Variants in GNAO1 observed in about 807,000 individuals in gnomAD.
GNAO1 encodes G protein subunit alpha o1.
For synonymous variants in GNAO1, 164 were observed against 180.7 expected (o/e 0.91, Z 0.74); for missense variants, 166 against 478.7 (o/e 0.35, Z 6.10).
At chr16:56,199,867 C>CA (rs1167835697) in intron 2 of GNAO1, among the ~76,000 whole-genome samples, 1 of 152,042 alleles carries the variant, frequency 6.6e-6, no homozygotes, top group Non-Finnish European at 1.5e-5. Flanking sequence ...TTCATAGCAC[C>CA]AAAAAATTAA....
At chr16:56,262,502 A>G (rs1323233108) in intron 2 of GNAO1, among the ~76,000 whole-genome samples, 3 of 152,172 alleles carry the variant, frequency 2.0e-5, no homozygotes, top group African/African-American at 7.2e-5. Flanking sequence ...ATGAGCAGGA[A>G]CATAAATAAT....
At chr16:56,204,691 G>A (rs759200717) in intron 2 of GNAO1, among the ~76,000 whole-genome samples, 18 of 152,132 alleles carry the variant, frequency 1.2e-4, no homozygotes, top group Admixed American at 6.5e-5. Context: ...AAGCTATTGC[G>A]GGCTTTTAAA....
At chr16:56,256,118 T>A (rs1382360) in intron 2 of GNAO1, among the ~76,000 whole-genome samples, 31,101 of 152,036 alleles carry the variant, frequency 0.2, 3,473 homozygotes, top group East Asian at 0.37. Flanking sequence ...TCTTTGTACC[T>A]CTGGTTATGG....
intron 4 of GNAO1, 113 bp downstream of exon 4, chr16:56,328,904 C>A: frequency 9.6e-7 from 1 of 1,039,236 alleles, no homozygotes; most frequent in Non-Finnish European, 1.4e-6. Context: ...GTCACGCCTG[C>A]CGGGAGATGT....
chr16:56,277,479 C>G (rs142543500), intron 3 of GNAO1, among the ~76,000 whole-genome samples: 1 of 152,158 alleles, frequency 6.6e-6, no homozygotes, highest in Non-Finnish European at 1.5e-5. Context: ...CTATTCAGAT[C>G]GTTAGAACTA....
chr16:56,246,466 C>T (rs2036745084), intron 2 of GNAO1, among the ~76,000 whole-genome samples: 2 of 152,170 alleles, frequency 1.3e-5, no homozygotes, highest in Admixed American at 1.3e-4. Flanking sequence ...GCCCCACCAT[C>T]GCCCAGTCCT....
chr16:56,255,322 T>G (rs918968517), intron 2 of GNAO1, among the ~76,000 whole-genome samples: 4 of 152,220 alleles, frequency 2.6e-5, no homozygotes, highest in Non-Finnish European at 5.9e-5. Flanking sequence ...GTTTGTTGCT[T>G]TAAGTATTTT....
chr16:56,308,503 A>G (rs2037419487), intron 3 of GNAO1, among the ~76,000 whole-genome samples: 1 of 152,204 alleles, frequency 6.6e-6, no homozygotes, highest in African/African-American at 2.4e-5. Flanking sequence ...AACTGGGGAC[A>G]CATTGAGTTG....
intron 2 of GNAO1, chr16:56,194,071 A>AG (rs1488992009): frequency 4.4e-6 from 2 of 455,356 alleles, no homozygotes; most frequent in Non-Finnish European, 8.9e-6. Flanking sequence ...AGGCATGACA[A>AG]GCGGGTTCTA....
rs188492151 is a variant in GNAO1, at chr16:56,269,672, C to T, written c.162-6259C>T. Among the ~76,000 whole-genome samples, 943 of 152,194 alleles carry T rather than the reference C, an allele frequency of 6.2e-3. 3 individuals carry two copies. Among genetic ancestry groups the T allele is most frequent in the Admixed American group, 0.012 (176 of 15,294 alleles). On this transcript the variant is annotated intron_variant, in intron 2 of 8. Transcript: ENST00000262493. ...ATGGAGGAGGAGCGGCAGTCCAGTC[C>T]CAGGGCAGGAGCCAGGGCGCTGATA...
intron 6 of GNAO1, among the ~76,000 whole-genome samples, chr16:56,348,524 A>G (rs1275318356): frequency 1.3e-5 from 2 of 152,176 alleles, no homozygotes; most frequent in Non-Finnish European, 2.9e-5. Flanking sequence ...CTGGGCCTCC[A>G]CTGCAGCCTG....
Position 56,192,373 on chromosome 16 carries a change from C to A in GNAO1, c.118+20C>A. ...TGCTCGGTAAGGACCGCCGCTGCTACCCCCATCCCCCGACCCCGGCCACTC... is the reference window on the plus strand; with the variant it reads ...TGCTCGGTAAGGACCGCCGCTGCTAACCCCATCCCCCGACCCCGGCCACTC... On this transcript the variant is annotated intron_variant, in intron 1 of 8. Coordinates refer to ENST00000262493, the MANE Select transcript of GNAO1 (RefSeq NM_020988.3). The A allele has an allele frequency of 1.5e-6, 2 of 1,377,112 alleles. No homozygotes were observed. The highest frequency in any genetic ancestry group is 2.1e-6 in the Non-Finnish European group (2 of 973,352). 85.3% of individuals were successfully genotyped at this position (1,377,112 alleles called of 1,614,324 possible).
intron 2 of GNAO1, chr16:56,270,760 T>A (rs1460929190): frequency 6.6e-6 from 1 of 152,162 alleles, no homozygotes; most frequent in Non-Finnish European, 1.5e-5. Context: ...GAAGCCCAAA[T>A]CAAATTAGCT....
At chr16:56,345,488 C>T in intron 6 of GNAO1, 1 of 985,532 alleles carries the variant, frequency 1.0e-6, no homozygotes, top group Non-Finnish European at 1.2e-6. Context: ...GTTGGACCCA[C>T]AGGCACAGAG....
chr16:56,294,341 TAAAAA>T (rs377121608), intron 3 of GNAO1, among the ~76,000 whole-genome samples: 3 of 133,640 alleles, frequency 2.2e-5, no homozygotes, highest in Non-Finnish European at 3.2e-5. Flanking sequence ...GGCTTTGCTT[TAAAAA>T]AAAAAAAAAA....
At chr16:56,280,715 A>G (rs1393965770) in intron 3 of GNAO1, among the ~76,000 whole-genome samples, 1 of 152,132 alleles carries the variant, frequency 6.6e-6, no homozygotes, top group East Asian at 1.9e-4. Flanking sequence ...CAACAAAGGA[A>G]ATACAGGGGC....
intron 2 of GNAO1, among the ~76,000 whole-genome samples, chr16:56,197,750 G>A (rs1017242832): frequency 2.0e-5 from 3 of 152,162 alleles, no homozygotes; most frequent in African/African-American, 4.8e-5. Context: ...CATGGAACTC[G>A]CAGATTATTT....
At chr16:56,258,280 G>A (rs537893060) in intron 2 of GNAO1, among the ~76,000 whole-genome samples, 2 of 152,296 alleles carry the variant, frequency 1.3e-5, no homozygotes, top group East Asian at 1.9e-4. Flanking sequence ...TGAGATGGTG[G>A]CCAAGTAGTC....
intron 3 of GNAO1, among the ~76,000 whole-genome samples, chr16:56,299,012 A>T (rs1451834786): frequency 6.6e-6 from 1 of 152,158 alleles, no homozygotes; most frequent in East Asian, 1.9e-4. Flanking sequence ...AGACAGAAAG[A>T]TCTGGAGTTT....
Sources: gnomAD v4.1 joint callset for allele counts (sites outside exome capture counted in the v4.1 genomes callset) on GRCh38, gnomAD v4.1.1 for gene constraint, MANE v1.5 for transcripts, NCBI Gene and HGNC (gene_info 2026-07-23, HGNC 2026-07-21) for gene names.